The following DCUN1D4 variants were observed in gnomAD, a reference collection of about 807,000 sequenced individuals.
DCUN1D4 encodes the protein defective in cullin neddylation 1 domain containing 4, also known as DCN1-like protein 4.
DCUN1D4 carries 22 observed loss-of-function variants against 47.9 expected under a neutral mutation model. The observed-to-expected ratio is 0.46, with a 90% CI of 0.33 to 0.66. The LOEUF is 0.66. DCUN1D4 is among the 30% of genes least tolerant of loss of function. The probability of loss-of-function intolerance (pLI) is 0.02; values close to 1 mark genes in which losing one functional copy is unlikely to be tolerated. For synonymous variants in DCUN1D4, 121 were observed against 112.2 expected (o/e 1.08, Z -0.50); for missense variants, 301 against 340.8 (o/e 0.88, Z 0.92).
At chr4:51,863,307 T>TA (rs1480079638) in intron 1 of DCUN1D4, 130 bp from the exon 2 acceptor site, 9 of 748,906 alleles carry the variant, frequency 1.2e-5, no homozygotes, top group African/African-American at 3.6e-5. Context: ...TGCATGTTTT[T>TA]AAAAAACTTT....
intron 3 of DCUN1D4, among the ~76,000 whole-genome samples, chr4:51,867,309 A>G (rs1286580552): frequency 6.6e-6 from 1 of 152,190 alleles, no homozygotes; most frequent in East Asian, 1.9e-4. Context: ...AGGCTCCTCA[A>G]AGGGCTGCAG....
chr4:51,869,507 C>T (rs1726538308), intron 3 of DCUN1D4, among the ~76,000 whole-genome samples: 1 of 152,054 alleles, frequency 6.6e-6, no homozygotes. Flanking sequence ...TTTGTATTGG[C>T]ACATCTATTT....
intron 8 of DCUN1D4, among the ~76,000 whole-genome samples, chr4:51,905,923 C>T (rs374107003): frequency 9.2e-5 from 14 of 151,900 alleles, no homozygotes; most frequent in African/African-American, 3.1e-4. Context: ...GTGGAGTGAT[C>T]GAGGTGAACC....
intron 1 of DCUN1D4, among the ~76,000 whole-genome samples, chr4:51,849,430 C>T (rs1022138368): frequency 3.3e-5 from 5 of 152,146 alleles, no homozygotes; most frequent in African/African-American, 7.2e-5. Flanking sequence ...GTTTAAATTA[C>T]CTAGAATTAG....
intron 7 of DCUN1D4, among the ~76,000 whole-genome samples, chr4:51,896,051 C>T (rs1158655045): frequency 2.6e-5 from 4 of 152,214 alleles, no homozygotes; most frequent in East Asian, 1.9e-4. Context: ...TATTGGGGGC[C>T]AGTCCAGGGG....
chr4:51,854,714 C>T (rs1471069131), intron 1 of DCUN1D4, among the ~76,000 whole-genome samples: 1 of 152,242 alleles, frequency 6.6e-6, no homozygotes, highest in Non-Finnish European at 1.5e-5. Context: ...GGAGTAACCT[C>T]CATGTTGCTA....
intron 7 of DCUN1D4, among the ~76,000 whole-genome samples, chr4:51,895,612 C>T (rs28361981): frequency 1.9e-3 from 246 of 132,946 alleles, no homozygotes; most frequent in African/African-American, 5.3e-3. Context: ...TAATTAACTG[C>T]AATAAACTGA....
chr4:51,850,052 T>C (rs373648647), intron 1 of DCUN1D4, among the ~76,000 whole-genome samples: 1 of 152,156 alleles, frequency 6.6e-6, no homozygotes, highest in South Asian at 2.1e-4. Flanking sequence ...TGTGTCCCCT[T>C]GTAGTCAGTG....
intron 5 of DCUN1D4, among the ~76,000 whole-genome samples, chr4:51,881,660 T>TAAAAA (rs534474397): frequency 1.8e-5 from 2 of 109,980 alleles, no homozygotes; most frequent in Non-Finnish European, 3.8e-5. Flanking sequence ...AGATACAAGT[T>TAAAAA]AAAAAAAAAA....
At chr4:51,879,373 AG>A (rs530944326) in intron 5 of DCUN1D4, among the ~76,000 whole-genome samples, 82 of 152,322 alleles carry the variant, frequency 5.4e-4, no homozygotes, top group Non-Finnish European at 1.0e-3. Flanking sequence ...TTGGGAGGCC[AG>A]GGCAGGAGGA....
intron 8 of DCUN1D4, among the ~76,000 whole-genome samples, chr4:51,909,910 A>G (rs1338225290): frequency 2.0e-5 from 3 of 152,220 alleles, no homozygotes; most frequent in Admixed American, 6.5e-5. Context: ...CATTTGCTGT[A>G]TTAAGTCCCA....
chr4:51,835,628 T>A, the DCUN1D4 span, among the ~76,000 whole-genome samples: 2 of 152,066 alleles, frequency 1.3e-5, no homozygotes, highest in African/African-American at 2.4e-5. Context: ...AGGCTAAGAC[T>A]AGCCTGTGGG....
chr4:51,839,489 A>G (rs1419382498), upstream of DCUN1D4, among the ~76,000 whole-genome samples: 1 of 152,190 alleles, frequency 6.6e-6, no homozygotes, highest in Non-Finnish European at 1.5e-5. Context: ...TCACATAGGA[A>G]GCATTAAGAA....
chr4:51,875,467 C>G (rs1193674557), intron 4 of DCUN1D4: 1 of 152,254 alleles, frequency 6.6e-6, no homozygotes, highest in East Asian at 1.9e-4. Context: ...AGTGTAGTTG[C>G]AGTTTCTGAG....
At chr4:51,842,362 C>T (rs1361719163), upstream of DCUN1D4, among the ~76,000 whole-genome samples, 1 of 152,124 alleles carries the variant, frequency 6.6e-6, no homozygotes, top group Non-Finnish European at 1.5e-5. Context: ...GGACAATGCT[C>T]GTGGCATTCG....
intron 1 of DCUN1D4, chr4:51,844,238 G>A (rs1192621079): frequency 1.3e-6 from 1 of 779,308 alleles, no homozygotes; most frequent in Non-Finnish European, 1.6e-6. Flanking sequence ...ACTGTGCTTA[G>A]GGGAGGTACT....
intron 9 of DCUN1D4, among the ~76,000 whole-genome samples, chr4:51,913,004 G>A (rs555694850): frequency 6.6e-6 from 1 of 152,214 alleles, no homozygotes; most frequent in Non-Finnish European, 1.5e-5. Context: ...TATATAAAAT[G>A]GCTTTTGCAG....
At chr4:51,848,090 T>G in intron 1 of DCUN1D4, 1 of 724,944 alleles carries the variant, frequency 1.4e-6, no homozygotes, top group African/African-American at 1.9e-5. Flanking sequence ...CCTGTTGTCT[T>G]TCATTATCTT....
rs532177963 is a variant in DCUN1D4 at position 51,860,993 on chromosome 4, G to A, written c.26-2444G>A. 2.0e-5 allele frequency among the ~76,000 whole-genome samples: 3 copies of A among 152,268 alleles called. 1 individual carries two copies. In the South Asian group the frequency reaches 6.2e-4, roughly 32 times the overall value. ...TAGACAGCTGTGTGGTATGGAGAAT[G>A]GTGTAAGTAAATATAGTCGGAATTG... On this transcript the variant is annotated intron_variant, in intron 1 of 10. Transcript: ENST00000334635.
Sources: allele counts gnomAD v4.1 joint callset (sites outside exome capture counted in the v4.1 genomes callset), GRCh38; gene constraint gnomAD v4.1.1; transcripts MANE v1.5; gene names NCBI Gene and HGNC (gene_info 2026-07-23, HGNC 2026-07-21).